Variants in MKLN1 observed in about 807,000 individuals in gnomAD.
MKLN1 encodes the protein muskelin 1.
Under a neutral mutation model 99.0 loss-of-function variants are expected in MKLN1, and 18 were observed. That is an observed-to-expected ratio of 0.18 (90% CI 0.13 to 0.27). MKLN1 has a LOEUF of 0.27. MKLN1 is among the 10% of genes least tolerant of loss of function. The probability of loss-of-function intolerance (pLI) is 1.00; values close to 1 mark genes in which losing one functional copy is unlikely to be tolerated. For missense variants in MKLN1, 621 were observed against 875.9 expected, an observed-to-expected ratio of 0.71 and a Z score of 3.67; for synonymous variants, 288 against 293.2, an observed-to-expected ratio of 0.98 and a Z score of 0.18.
intron 3 of MKLN1, among the ~76,000 whole-genome samples, chr7:131,322,491 G>A (rs1421324603): frequency 6.6e-6 from 1 of 151,690 alleles, no homozygotes; most frequent in Admixed American, 6.6e-5. Flanking sequence ...GGAAGGTGAA[G>A]GAGAAGCAAG....
At position 131,292,138 on chromosome 7, in the gene MKLN1, G is replaced by A. The variant is rs115890138; in HGVS notation, c.-178-83286G>A. ...AAGAATAATATAGAGTTGACCTTAC[G>A]AACCCTCACTAGTCAAATTTGAGGC... On this transcript the variant is annotated intron_variant, in intron 3 of 7. Coordinates refer to the MKLN1 transcript ENST00000416992. Among the ~76,000 whole-genome samples, 1,040 of 152,144 alleles carry A rather than the reference G, an allele frequency of 6.8e-3. 12 individuals carry two copies. Among genetic ancestry groups the A allele is most frequent in the African/African-American group, 0.024 (978 of 41,486 alleles).
At chr7:131,447,035 G>A (rs1463404478) in intron 12 of MKLN1, among the ~76,000 whole-genome samples, 3 of 152,274 alleles carry the variant, frequency 2.0e-5, no homozygotes, top group Admixed American at 1.3e-4. Flanking sequence ...CAGGAAAAGC[G>A]AAACTTTTTA....
rs899310503 is a variant in MKLN1, at chr7:131,296,853, C to G, written c.-178-78571C>G. 7.9e-5 allele frequency among the ~76,000 whole-genome samples: 12 copies of G among 152,298 alleles called. 1 individual carries two copies. In the East Asian group the frequency reaches 1.4e-3, roughly 17 times the overall value. On this transcript the variant is annotated intron_variant, in intron 3 of 7. Transcript: ENST00000416992. ...CCAGGATCAAGCGATCCTTCCACCT[C>G]AGCCTCCCAAGAAGCTGGGACCACA...
intron 1 of MKLN1, among the ~76,000 whole-genome samples, chr7:131,369,762 T>TAC (rs1800288217): frequency 6.6e-6 from 1 of 152,230 alleles, no homozygotes; most frequent in Admixed American, 6.5e-5. Flanking sequence ...GGCAAAAAGA[T>TAC]ACATATTGGC....
At chr7:131,177,455 C>T (rs1014088545) in intron 2 of MKLN1, among the ~76,000 whole-genome samples, 2 of 140,752 alleles carry the variant, frequency 1.4e-5, no homozygotes, top group Non-Finnish European at 3.0e-5. Flanking sequence ...GGTGACAGAG[C>T]GAGACTCCAT....
At chr7:131,380,851 T>C (rs1032383137) in intron 2 of MKLN1, among the ~76,000 whole-genome samples, 2 of 152,198 alleles carry the variant, frequency 1.3e-5, no homozygotes, top group African/African-American at 4.8e-5. Context: ...GGCAAGTATT[T>C]TGGTTTCATA....
intron 3 of MKLN1, among the ~76,000 whole-genome samples, chr7:131,321,688 A>G (rs1269483398): frequency 6.6e-6 from 1 of 152,202 alleles, no homozygotes; most frequent in Non-Finnish European, 1.5e-5. Flanking sequence ...AAACAAACAA[A>G]CAAAAAACAA....
chr7:131,363,795 G>A (rs536854915), intron 1 of MKLN1, among the ~76,000 whole-genome samples: 20 of 147,508 alleles, frequency 1.4e-4, no homozygotes, highest in Non-Finnish European at 2.7e-4. Context: ...TCACCACCCC[G>A]TTTATTTCTT....
At chr7:131,209,854 T>C (rs1007306973) in intron 3 of MKLN1, among the ~76,000 whole-genome samples, 25 of 152,048 alleles carry the variant, frequency 1.6e-4, no homozygotes, top group African/African-American at 5.6e-4. Context: ...CGGAATACCA[T>C]CGCAATAGTT....
At chr7:131,209,534 C>T (rs1001780763) in intron 3 of MKLN1, among the ~76,000 whole-genome samples, 12 of 152,118 alleles carry the variant, frequency 7.9e-5, no homozygotes, top group African/African-American at 2.7e-4. Flanking sequence ...GTTATCAGCT[C>T]GGGCACTGGG....
intron 3 of MKLN1, among the ~76,000 whole-genome samples, chr7:131,307,205 AAAGTTT>A (rs976868017): frequency 2.0e-5 from 3 of 152,146 alleles, no homozygotes; most frequent in African/African-American, 7.2e-5. Context: ...GGCAACAGTT[AAAGTTT>A]GAGAATCCTC....
chr7:131,318,123 A>G lies in MKLN1; in HGVS notation c.-178-57301A>G, dbSNP rs534388323. 6.2e-4 allele frequency among the ~76,000 whole-genome samples: 94 copies of G among 152,338 alleles called. 1 individual carries two copies. The highest frequency in any genetic ancestry group is 1.1e-3 in the Non-Finnish European group (77 of 68,028). Reference sequence around the variant, plus strand: ...GATCAAGTGGACTTAATAGATATCTATAGAACTCTCCACCCCAGATCAACA... The same window carrying G: ...GATCAAGTGGACTTAATAGATATCTGTAGAACTCTCCACCCCAGATCAACA... On this transcript the variant is annotated intron_variant, in intron 3 of 7. Coordinates refer to the MKLN1 transcript ENST00000416992.
intron 3 of MKLN1, among the ~76,000 whole-genome samples, chr7:131,227,526 T>TTTCTTTCTTTCTTTCTTTCA (rs1197856644): frequency 6.7e-6 from 1 of 148,912 alleles, no homozygotes; most frequent in Non-Finnish European, 1.5e-5. Context: ...TCTTTCTTTC[T>TTTCTTTCTTTCTTTCTTTCA]TTCTTTCTTT....
At chr7:131,383,267 T>C (rs889338519) in intron 2 of MKLN1, among the ~76,000 whole-genome samples, 2 of 152,216 alleles carry the variant, frequency 1.3e-5, no homozygotes, top group African/African-American at 4.8e-5. Flanking sequence ...TTGGTTGGTC[T>C]TGTGATTTTC....
intron 3 of MKLN1, among the ~76,000 whole-genome samples, chr7:131,281,468 C>G (rs1798051513): frequency 6.6e-6 from 1 of 152,136 alleles, no homozygotes. Flanking sequence ...AACTATGCCT[C>G]TTCCAACTTT....
At chr7:131,444,601 G>A (rs756462902) in intron 11 of MKLN1, among the ~76,000 whole-genome samples, 1 of 151,200 alleles carries the variant, frequency 6.6e-6, no homozygotes, top group Non-Finnish European at 1.5e-5. Flanking sequence ...TTTTTACCCC[G>A]ACTGGAGCGC....
chr7:131,228,717 A>G (rs1214377261), intron 3 of MKLN1, among the ~76,000 whole-genome samples: 2 of 152,218 alleles, frequency 1.3e-5, no homozygotes, highest in African/African-American at 4.8e-5. Flanking sequence ...AAATGTTGAA[A>G]CACTGTACTC....
At chr7:131,341,925 A>G (rs1290893214) in intron 1 of MKLN1, among the ~76,000 whole-genome samples, 1 of 152,220 alleles carries the variant, frequency 6.6e-6, no homozygotes, top group Non-Finnish European at 1.5e-5. Flanking sequence ...AGTTCCTTAC[A>G]GGAACCAGTA....
intron 2 of MKLN1, among the ~76,000 whole-genome samples, chr7:131,380,085 TGTCTGA>T (rs1793798097): frequency 6.6e-6 from 1 of 152,144 alleles, no homozygotes; most frequent in Non-Finnish European, 1.5e-5. Context: ...CCTGAAGCTA[TGTCTGA>T]AGAGTGAGCG....
Sources: allele counts gnomAD v4.1 joint callset (sites outside exome capture counted in the v4.1 genomes callset), GRCh38; gene constraint gnomAD v4.1.1; transcripts MANE v1.5; gene names NCBI Gene and HGNC (gene_info 2026-07-23, HGNC 2026-07-21).